CEACAM6: variants seen among roughly 807,000 people sequenced by gnomAD.
CEACAM6 encodes the protein CEA cell adhesion molecule 6.
In CEACAM6, 21 loss-of-function variants were observed where a neutral mutation model predicts 32.4. The observed-to-expected ratio is 0.65, with a 90% CI of 0.46 to 0.93. The LOEUF is 0.93. Ranked by LOEUF, CEACAM6 falls within the 40% of genes least tolerant of loss-of-function variation. The pLI is 0.00. For missense variants in CEACAM6, 406 were observed against 432.2 expected, an observed-to-expected ratio of 0.94 and a Z score of 0.54; for synonymous variants, 184 against 174.4, an observed-to-expected ratio of 1.06 and a Z score of -0.43.
intron 4 of CEACAM6, among the ~76,000 whole-genome samples, chr19:41,765,848 T>A (rs1285751820): frequency 6.6e-6 from 1 of 152,178 alleles, no homozygotes; most frequent in Non-Finnish European, 1.5e-5. Flanking sequence ...TCCAACAGGC[T>A]CTTATTCATG....
intron 5 of CEACAM6, among the ~76,000 whole-genome samples, chr19:41,768,243 G>C (rs2072967983): frequency 6.6e-6 from 1 of 152,194 alleles, no homozygotes; most frequent in Admixed American, 6.5e-5. Context: ...AGAGGACCCT[G>C]CGGCCTTCCG....
At chr19:41,770,533 A>G (rs2072987839) in intron 5 of CEACAM6, among the ~76,000 whole-genome samples, 3 of 152,112 alleles carry the variant, frequency 2.0e-5, no homozygotes, top group Non-Finnish European at 4.4e-5. Flanking sequence ...GCTGCACTCC[A>G]ACCTGGGCAA....
chr19:41,770,396 A>G (rs1333052895), intron 5 of CEACAM6, among the ~76,000 whole-genome samples: 2 of 152,098 alleles, frequency 1.3e-5, no homozygotes, highest in Non-Finnish European at 2.9e-5. Flanking sequence ...GAGTGCATAC[A>G]TAGGCCTATA....
intron 4 of CEACAM6, among the ~76,000 whole-genome samples, chr19:41,764,470 T>C (rs1204137815): frequency 6.6e-6 from 1 of 150,986 alleles, no homozygotes; most frequent in Non-Finnish European, 1.5e-5. Flanking sequence ...AAAAAAAAAA[T>C]GTGGAGACTG....
intron 2 of CEACAM6, among the ~76,000 whole-genome samples, chr19:41,760,315 T>G (rs1396879149): frequency 6.6e-6 from 1 of 152,144 alleles, no homozygotes; most frequent in Non-Finnish European, 1.5e-5. Flanking sequence ...TGGGAGAAAA[T>G]ATTTGCAAAA....
intron 4 of CEACAM6, among the ~76,000 whole-genome samples, chr19:41,765,111 A>G (rs1316957700): frequency 2.0e-5 from 3 of 152,372 alleles, no homozygotes; most frequent in African/African-American, 7.2e-5. Context: ...CATTAACCTT[A>G]AAGTCAGGTA....
chr19:41,755,764 C>G, intron 1 of CEACAM6, 62 bp downstream of exon 1: 1 of 1,425,638 alleles, frequency 7.0e-7, no homozygotes, highest in Non-Finnish European at 9.6e-7. Context: ...GCTAGGGTCT[C>G]CTGGGGAGGA....
At position 41,756,815 on chromosome 19, in the gene CEACAM6, G is replaced by A. The variant is rs782518779; in HGVS notation, c.280G>A (p.Ala94Thr). ...IGTQQATPGP[A>T]YSGRETIYPN... Reference sequence around the variant, plus strand: ...AACTCAACAAGCTACCCCAGGGCCCGCATACAGTGGTCGAGAGACAATATA... The same window carrying A: ...AACTCAACAAGCTACCCCAGGGCCCACATACAGTGGTCGAGAGACAATATA... Residue 94 changes from alanine (A) to threonine (T), a missense_variant, in exon 2 of 6, where the codon GCA becomes ACA. Ala to Thr is a moderately conservative substitution (Grantham distance 58, BLOSUM62 0). Transcript: ENST00000199764. 8.1e-6 allele frequency: 13 copies of A among 1,613,962 alleles called. No individual in the cohort carries two copies. Among genetic ancestry groups the A allele is most frequent in the South Asian group, 4.4e-5 (4 of 91,080 alleles).
chr19:41,768,767 C>T (rs1958484630), intron 5 of CEACAM6, among the ~76,000 whole-genome samples: 3 of 151,866 alleles, frequency 2.0e-5, no homozygotes, highest in African/African-American at 4.8e-5. Flanking sequence ...GGCGGCTGGC[C>T]GGGCAGAGGG....
At chr19:41,766,841 G>C (rs578114122) in intron 5 of CEACAM6, among the ~76,000 whole-genome samples, 4 of 151,914 alleles carry the variant, frequency 2.6e-5, no homozygotes, top group African/African-American at 7.2e-5. Context: ...CCCGTCTCTA[G>C]TAAAAATACA....
intron 5 of CEACAM6, 66 bp downstream of exon 5, chr19:41,766,365 A>C: frequency 1.3e-6 from 1 of 756,548 alleles, no homozygotes; most frequent in Non-Finnish European, 2.1e-6. Flanking sequence ...GAAAGGAAAA[A>C]AACTTCTTCA....
intron 4 of CEACAM6, 26 bp downstream of exon 4, chr19:41,762,249 A>C: frequency 6.2e-7 from 1 of 1,602,486 alleles, no homozygotes. Flanking sequence ...AAGCACTAGC[A>C]TCACATTTTC....
At chr19:41,768,486 C>T (rs1170751894) in intron 5 of CEACAM6, among the ~76,000 whole-genome samples, 1 of 152,234 alleles carries the variant, frequency 6.6e-6, no homozygotes, top group Non-Finnish European at 1.5e-5. Context: ...TGAAAAGTCT[C>T]CCATGTCTAC....
At chr19:41,766,538 T>C (rs1555822411) in intron 5 of CEACAM6, among the ~76,000 whole-genome samples, 2 of 152,216 alleles carry the variant, frequency 1.3e-5, no homozygotes, top group African/African-American at 4.8e-5. Flanking sequence ...AGTCAATACA[T>C]TGTCAAAGCC....
intron 5 of CEACAM6, among the ~76,000 whole-genome samples, chr19:41,770,033 G>A (rs76039196): frequency 0.011 from 1,670 of 151,428 alleles, 14 homozygotes; most frequent in Non-Finnish European, 0.015. Flanking sequence ...GTCTGAAGTC[G>A]GCCTTGGTTT....
chr19:41,766,680 C>G (rs10408842), intron 5 of CEACAM6, among the ~76,000 whole-genome samples: 1 of 151,778 alleles, frequency 6.6e-6, no homozygotes, highest in Non-Finnish European at 1.5e-5. Flanking sequence ...TGCCTCATTA[C>G]CTTCCTAAAA....
At chr19:41,767,712 G>A (rs1169340319) in intron 5 of CEACAM6, among the ~76,000 whole-genome samples, 1 of 152,018 alleles carries the variant, frequency 6.6e-6, no homozygotes, top group South Asian at 2.1e-4. Context: ...TAGGACTTGG[G>A]GCTAAACCCA....
chr19:41,762,132 C>G lies in CEACAM6; in HGVS notation c.867C>G (p.Ile289Met). 6.2e-7 allele frequency: 1 copy of G among 1,614,212 alleles called. No individual in the cohort carries two copies. Among genetic ancestry groups the G allele is most frequent in the Non-Finnish European group, 8.5e-7 (1 of 1,180,044 alleles). Residue 289 changes from isoleucine (I) to methionine (M), a missense_variant, in exon 4 of 6, where the codon ATC (isoleucine) becomes ATG (methionine). By Grantham distance (10) the Ile-to-Met change is conservative (BLOSUM62 1). Coordinates refer to ENST00000199764, the MANE Select transcript of CEACAM6 (RefSeq NM_002483.7). ...CACAAGAGCTCTTTATCCCCAACATCACTGTGAATAATAGCGGATCCTATA... is the reference window on the plus strand; with the variant it reads ...CACAAGAGCTCTTTATCCCCAACATGACTGTGAATAATAGCGGATCCTATA... The part of the protein sequence containing the change: ...QSTQELFIPN[I>M]TVNNSGSYMC...
chr19:41,764,728 A>G (rs1600499144), intron 4 of CEACAM6, among the ~76,000 whole-genome samples: 1 of 152,058 alleles, frequency 6.6e-6, no homozygotes, highest in South Asian at 2.1e-4. Context: ...TATAGCCTCC[A>G]TTTTATTTAT....
Sources: allele counts gnomAD v4.1 joint callset (sites outside exome capture counted in the v4.1 genomes callset), GRCh38; gene constraint gnomAD v4.1.1; transcripts MANE v1.5; gene names NCBI Gene and HGNC (gene_info 2026-07-23, HGNC 2026-07-21).